The following RAB30 variants were observed in gnomAD, a reference collection of about 807,000 sequenced individuals.
RAB30 encodes RAB30, member RAS oncogene family, also known as ras-related protein Rab-30.
A neutral mutation model predicts 25.1 loss-of-function variants in RAB30; 9 were observed. The observed-to-expected ratio is 0.36, with a 90% CI of 0.22 to 0.63. The LOEUF is 0.63. Among genes scored for constraint, RAB30 ranks in the 20% least tolerant of loss-of-function variants. The pLI, the probability that RAB30 is intolerant of heterozygous loss-of-function variation, is 0.69. For synonymous variants in RAB30, 77 were observed against 86.4 expected (o/e 0.89, Z 0.60); for missense variants, 140 against 243.5 (o/e 0.58, Z 2.83).
At chr11:83,046,982 T>C (rs1424477412) in intron 1 of RAB30, among the ~76,000 whole-genome samples, 2 of 152,210 alleles carry the variant, frequency 1.3e-5, no homozygotes, top group Non-Finnish European at 2.9e-5. Context: ...CTGCTGGGTT[T>C]CCTTGAATTG....
chr11:83,012,102 A>G (rs1430104895), intron 1 of RAB30, among the ~76,000 whole-genome samples: 1 of 152,148 alleles, frequency 6.6e-6, no homozygotes, highest in Non-Finnish European at 1.5e-5. Flanking sequence ...TGATTCATCT[A>G]TTATATGCAT....
intron 1 of RAB30, among the ~76,000 whole-genome samples, chr11:82,999,325 A>C (rs1024275625): frequency 3.3e-5 from 5 of 152,220 alleles, no homozygotes; most frequent in African/African-American, 1.2e-4. Context: ...TGGTATCATA[A>C]AAAATGGAGC....
At chr11:82,992,736 A>AACACACAC (rs113845129) in intron 3 of RAB30, among the ~76,000 whole-genome samples, 3,898 of 131,174 alleles carry the variant, frequency 0.03, 102 homozygotes, top group South Asian at 0.044. Flanking sequence ...CTCTGTCACC[A>AACACACAC]ACACACACAC....
At chr11:83,025,497 G>A (rs1565281139) in intron 1 of RAB30, among the ~76,000 whole-genome samples, 1 of 152,332 alleles carries the variant, frequency 6.6e-6, no homozygotes, top group East Asian at 1.9e-4. Context: ...CCAAACAGTT[G>A]TGCTTGTAAA....
intron 1 of RAB30, among the ~76,000 whole-genome samples, chr11:83,017,992 C>A (rs1857477059): frequency 6.6e-6 from 1 of 152,198 alleles, no homozygotes; most frequent in Non-Finnish European, 1.5e-5. Context: ...TACATTCTTA[C>A]CAGCAGTGTA....
chr11:83,020,899 G>A (rs1341148504), intron 1 of RAB30, among the ~76,000 whole-genome samples: 1 of 151,972 alleles, frequency 6.6e-6, no homozygotes, highest in Non-Finnish European at 1.5e-5. Flanking sequence ...TGACCTGCCC[G>A]CAGAGAGGAG....
intron 1 of RAB30, among the ~76,000 whole-genome samples, chr11:83,006,022 A>AT (rs1857176930): frequency 6.6e-6 from 1 of 152,132 alleles, no homozygotes; most frequent in Admixed American, 6.5e-5. Context: ...ATAAATTATA[A>AT]TTTTAACTAT....
chr11:83,010,658 G>C (rs1462424279), intron 1 of RAB30, among the ~76,000 whole-genome samples: 1 of 152,026 alleles, frequency 6.6e-6, no homozygotes, highest in Non-Finnish European at 1.5e-5. Flanking sequence ...ACATTCAATG[G>C]GCTCTTCCAG....
intron 3 of RAB30, among the ~76,000 whole-genome samples, chr11:82,992,835 C>T (rs1856883056): frequency 6.6e-6 from 1 of 151,826 alleles, no homozygotes; most frequent in Non-Finnish European, 1.5e-5. Context: ...GCAGACTCAA[C>T]TTCCCAGGCT....
intron 2 of RAB30, among the ~76,000 whole-genome samples, chr11:82,994,903 C>A (rs73508493): frequency 0.016 from 2,398 of 152,284 alleles, 68 homozygotes; most frequent in African/African-American, 0.055. Context: ...CACTCACCCT[C>A]TCTGGGCCTC....
intron 1 of RAB30, among the ~76,000 whole-genome samples, chr11:83,053,842 C>A (rs928200521): frequency 2.0e-5 from 3 of 152,188 alleles, no homozygotes; most frequent in Non-Finnish European, 4.4e-5. Flanking sequence ...GTAATCCCAG[C>A]ACTTTGGGAG....
chr11:82,985,470 C>CA (rs1320518274), intron 4 of RAB30, among the ~76,000 whole-genome samples: 1 of 151,770 alleles, frequency 6.6e-6, no homozygotes, highest in African/African-American at 2.4e-5. Context: ...AAAAGAAAAC[C>CA]AAAAAAATCC....
At chr11:83,029,344 G>A (rs1362969335) in intron 1 of RAB30, among the ~76,000 whole-genome samples, 1 of 151,886 alleles carries the variant, frequency 6.6e-6, no homozygotes, top group East Asian at 1.9e-4. Flanking sequence ...ATTTTGACAC[G>A]TTAACTTAAT....
chr11:82,998,620 G>T (rs758967960), intron 1 of RAB30, among the ~76,000 whole-genome samples: 2 of 151,540 alleles, frequency 1.3e-5, no homozygotes, highest in African/African-American at 4.9e-5. Flanking sequence ...AATCTACTGG[G>T]TGCTTACTAT....
intron 1 of RAB30, among the ~76,000 whole-genome samples, chr11:83,001,348 T>A (rs924568123): frequency 7.9e-5 from 12 of 152,222 alleles, no homozygotes; most frequent in East Asian, 7.7e-4. Flanking sequence ...GCTAATTTTT[T>A]AAATTTTTTT....
intron 1 of RAB30, among the ~76,000 whole-genome samples, chr11:83,008,891 G>C (rs1435295993): frequency 6.6e-6 from 1 of 152,072 alleles, no homozygotes; most frequent in Non-Finnish European, 1.5e-5. Flanking sequence ...CTAATTATCA[G>C]CCTTGAGGAT....
At chr11:83,015,001 AG>A (rs1857405353) in intron 1 of RAB30, among the ~76,000 whole-genome samples, 1 of 152,228 alleles carries the variant, frequency 6.6e-6, no homozygotes. Context: ...ACTGAGGCTG[AG>A]CACATGGTCA....
chr11:82,992,064 C>CAT (rs1441328922), intron 3 of RAB30, among the ~76,000 whole-genome samples: 3 of 152,048 alleles, frequency 2.0e-5, no homozygotes, highest in African/African-American at 4.8e-5. Flanking sequence ...TAAATGAACT[C>CAT]ATATATATAT....
At chr11:83,069,585 G>A (rs890224688) in intron 1 of RAB30, among the ~76,000 whole-genome samples, 5 of 152,068 alleles carry the variant, frequency 3.3e-5, no homozygotes, top group Non-Finnish European at 2.9e-5. Context: ...GGAAGAAAGA[G>A]GGGGGAAAGA....
Sources: allele counts gnomAD v4.1 joint callset (sites outside exome capture counted in the v4.1 genomes callset), GRCh38; gene constraint gnomAD v4.1.1; transcripts MANE v1.5; gene names NCBI Gene and HGNC (gene_info 2026-07-23, HGNC 2026-07-21).